The following THSD7A variants were observed in gnomAD, a reference collection of about 807,000 sequenced individuals.
The protein encoded by THSD7A is thrombospondin type-1 domain-containing protein 7A.
Under a neutral mutation model 231.3 loss-of-function variants are expected in THSD7A, and 96 were observed. That is an observed-to-expected ratio of 0.41 (90% CI 0.35 to 0.49). The LOEUF (loss-of-function observed/expected upper bound fraction) is 0.49. Among genes scored for constraint, THSD7A ranks in the 20% least tolerant of loss-of-function variants. The probability of loss-of-function intolerance (pLI) is 0.05; values close to 1 mark genes in which losing one functional copy is unlikely to be tolerated. For synonymous variants in THSD7A, 940 were observed against 743.3 expected, an observed-to-expected ratio of 1.26 and a Z score of -4.30; for missense variants, 2,290 against 2,070.2, an observed-to-expected ratio of 1.11 and a Z score of -2.06.
chr7:11,512,785 G>T (rs1787867290), intron 6 of THSD7A, among the ~76,000 whole-genome samples: 1 of 113,160 alleles, frequency 8.8e-6, no homozygotes, highest in South Asian at 3.6e-4. Context: ...TCATGGGGCG[G>T]GGGGAGGGGG....
chr7:11,409,527 A>C (rs1355355822), intron 19 of THSD7A, among the ~76,000 whole-genome samples: 1 of 152,222 alleles, frequency 6.6e-6, no homozygotes, highest in African/African-American at 2.4e-5. Context: ...GAAATCAAGA[A>C]TTCGGTTTCC....
intron 6 of THSD7A, among the ~76,000 whole-genome samples, chr7:11,495,644 T>C (rs140076052): frequency 2.6e-5 from 4 of 152,168 alleles, no homozygotes; most frequent in East Asian, 1.9e-4. Flanking sequence ...AAAACCACTA[T>C]TGAACTAGAA....
intron 6 of THSD7A, among the ~76,000 whole-genome samples, chr7:11,486,040 A>G (rs577908527): frequency 1.8e-4 from 28 of 152,330 alleles, no homozygotes; most frequent in Admixed American, 1.2e-3. Context: ...CTGGGAAACC[A>G]TAGGCAAATA....
At chr7:11,808,409 C>T (rs911003562) in intron 1 of THSD7A, among the ~76,000 whole-genome samples, 6 of 152,212 alleles carry the variant, frequency 3.9e-5, no homozygotes, top group South Asian at 2.1e-4. Context: ...ACCAGACAAA[C>T]GAACCTGCCA....
chr7:11,526,591 C>A (rs974319725), intron 6 of THSD7A, among the ~76,000 whole-genome samples: 1 of 152,178 alleles, frequency 6.6e-6, no homozygotes, highest in African/African-American at 2.4e-5. Context: ...CTGTGACATA[C>A]CAAGCACAAT....
intron 4 of THSD7A, among the ~76,000 whole-genome samples, chr7:11,554,217 A>T (rs989838223): frequency 2.0e-5 from 3 of 152,014 alleles, no homozygotes; most frequent in Admixed American, 1.3e-4. Flanking sequence ...AAACGTAATT[A>T]GTTGATGAGG....
At chr7:11,718,645 C>T (rs1052488698) in intron 1 of THSD7A, among the ~76,000 whole-genome samples, 13 of 151,532 alleles carry the variant, frequency 8.6e-5, no homozygotes, top group Non-Finnish European at 1.3e-4. Flanking sequence ...ATATAGAATT[C>T]CTCTACTGAG....
intron 2 of THSD7A, among the ~76,000 whole-genome samples, chr7:11,621,447 T>C (rs1440153895): frequency 6.6e-6 from 1 of 152,198 alleles, no homozygotes; most frequent in African/African-American, 2.4e-5. Flanking sequence ...TTAATAACTA[T>C]TTCTCCAGAA....
At chr7:11,519,259 C>A (rs1008730371) in intron 6 of THSD7A, among the ~76,000 whole-genome samples, 1 of 152,108 alleles carries the variant, frequency 6.6e-6, no homozygotes, top group Non-Finnish European at 1.5e-5. Context: ...TGAACTGCCC[C>A]GCGCCATCAC....
chr7:11,528,470 A>G (rs141837925), intron 6 of THSD7A, among the ~76,000 whole-genome samples: 60 of 152,228 alleles, frequency 3.9e-4, no homozygotes, highest in African/African-American at 1.2e-3. Flanking sequence ...AGCCTCAATA[A>G]TTTAGGGGAT....
intron 2 of THSD7A, among the ~76,000 whole-genome samples, chr7:11,614,240 C>A (rs550015925): frequency 6.6e-6 from 1 of 152,274 alleles, no homozygotes; most frequent in South Asian, 2.1e-4. Context: ...TAACTCTGGA[C>A]ATCCTGCCTT....
chr7:11,476,177 G>A (rs1356316765), intron 7 of THSD7A, among the ~76,000 whole-genome samples: 2 of 151,670 alleles, frequency 1.3e-5, no homozygotes, highest in Non-Finnish European at 2.9e-5. Flanking sequence ...TTAAAATGTT[G>A]CCTCCCTTTA....
intron 1 of THSD7A, among the ~76,000 whole-genome samples, chr7:11,724,029 G>C (rs1417711175): frequency 6.6e-6 from 1 of 151,866 alleles, no homozygotes. Flanking sequence ...AACAACGCAG[G>C]CAAGAACTTA....
chr7:11,414,241 A>G (rs1468962932), intron 17 of THSD7A, among the ~76,000 whole-genome samples: 1 of 152,172 alleles, frequency 6.6e-6, no homozygotes, highest in Non-Finnish European at 1.5e-5. Flanking sequence ...TCCATGGAGG[A>G]TGTACAGTAA....
At chr7:11,750,006 A>T (rs974705549) in intron 1 of THSD7A, among the ~76,000 whole-genome samples, 1 of 151,532 alleles carries the variant, frequency 6.6e-6, no homozygotes, top group African/African-American at 2.4e-5. Context: ...AAAGGCAATT[A>T]AAGTGGCCAG....
At chr7:11,660,437 G>A (rs1192714753) in intron 1 of THSD7A, among the ~76,000 whole-genome samples, 4 of 151,204 alleles carry the variant, frequency 2.6e-5, no homozygotes, top group African/African-American at 9.7e-5. Flanking sequence ...AATAATATAG[G>A]GCCTTACATG....
At chr7:11,546,293 T>A (rs1045537511) in intron 4 of THSD7A, among the ~76,000 whole-genome samples, 1 of 151,804 alleles carries the variant, frequency 6.6e-6, no homozygotes, top group Non-Finnish European at 1.5e-5. Flanking sequence ...GTGGACCCCA[T>A]TGTCACCACC....
intron 2 of THSD7A, among the ~76,000 whole-genome samples, chr7:11,605,492 G>A (rs1461631218): frequency 2.0e-5 from 3 of 152,028 alleles, no homozygotes; most frequent in Non-Finnish European, 4.4e-5. Context: ...CACTAACTGG[G>A]ACCTTGTCAG....
At chr7:11,476,636 G>A (rs1786196685) in intron 7 of THSD7A, among the ~76,000 whole-genome samples, 2 of 151,936 alleles carry the variant, frequency 1.3e-5, no homozygotes, top group Non-Finnish European at 2.9e-5. Context: ...GGGCAGCACG[G>A]TGAAACCTTG....
Sources: gnomAD v4.1 joint callset for allele counts (sites outside exome capture counted in the v4.1 genomes callset) on GRCh38, gnomAD v4.1.1 for gene constraint, MANE v1.5 for transcripts, NCBI Gene and HGNC (gene_info 2026-07-23, HGNC 2026-07-21) for gene names.